ACTR1A: variants seen among roughly 807,000 people sequenced by gnomAD.
The protein encoded by ACTR1A is alpha-centractin.
ACTR1A carries 10 observed loss-of-function variants against 50.7 expected under a neutral mutation model. The observed-to-expected ratio is 0.20, with a 90% CI of 0.12 to 0.33. ACTR1A has a LOEUF of 0.33. ACTR1A is among the 10% of genes least tolerant of loss of function. ACTR1A has a pLI of 1.00. For synonymous variants in ACTR1A, 177 were observed against 184.2 expected, an observed-to-expected ratio of 0.96 and a Z score of 0.32; for missense variants, 253 against 491.7, an observed-to-expected ratio of 0.51 and a Z score of 4.59.
rs967511923 is a variant in ACTR1A at position 102,488,040 on chromosome 10, T to G, written c.315+110A>C. Reference sequence around the variant, plus strand: ...AATCTGAATATGCCTGAAAATCAAATGGCTCCAGCACTCTTGGCAGTGATC... The same window carrying G: ...AATCTGAATATGCCTGAAAATCAAAGGGCTCCAGCACTCTTGGCAGTGATC... On this transcript the variant is annotated intron_variant, in intron 4 of 10. Transcript: ENST00000369905. The surrounding 1 kb of genome is among the most constrained non-coding windows in gnomAD (Gnocchi z 4.4). The G allele has an allele frequency of 6.9e-6, 9 of 1,295,178 alleles. No individual in the cohort carries two copies. Among genetic ancestry groups the G allele is most frequent in the Admixed American group, 2.0e-5 (1 of 50,956 alleles). 80.2% of individuals were successfully genotyped at this position (1,295,178 alleles called of 1,614,324 possible).
intron 1 of ACTR1A, among the ~76,000 whole-genome samples, chr10:102,497,351 G>A (rs1411039770): frequency 6.6e-6 from 1 of 152,136 alleles, no homozygotes; most frequent in Non-Finnish European, 1.5e-5. Flanking sequence ...ACAGTAGGAT[G>A]ATAGCACTTA....
At chr10:102,486,452 G>A (rs1168225984) in intron 4 of ACTR1A, among the ~76,000 whole-genome samples, 1 of 152,162 alleles carries the variant, frequency 6.6e-6, no homozygotes, top group Non-Finnish European at 1.5e-5. Flanking sequence ...CACCTTGGGA[G>A]GCTGAGGCGT....
intron 1 of ACTR1A, among the ~76,000 whole-genome samples, chr10:102,501,332 A>G (rs958262500): frequency 2.0e-5 from 3 of 152,222 alleles, no homozygotes; most frequent in African/African-American, 7.2e-5. Flanking sequence ...CTATCTACCT[A>G]ACAGAGCTGA....
intron 2 of ACTR1A, 22 bp from the exon 3 acceptor site, chr10:102,489,160 A>T: frequency 1.3e-6 from 2 of 1,526,020 alleles, no homozygotes; most frequent in Non-Finnish European, 1.8e-6. Context: ...AGTGAGGAGG[A>T]CCATCATTTT....
At chr10:102,494,422 C>T (rs182126807) in intron 1 of ACTR1A, among the ~76,000 whole-genome samples, 14 of 152,234 alleles carry the variant, frequency 9.2e-5, no homozygotes, top group African/African-American at 1.4e-4. Flanking sequence ...TGCCTGAGCC[C>T]GGGAGGTCGA....
chr10:102,482,047 C>T lies in ACTR1A; in HGVS notation c.879G>A (p.Thr293=), dbSNP rs183000589. The T allele has an allele frequency of 1.5e-5, 24 of 1,614,166 alleles. No individual in the cohort carries two copies. Among genetic ancestry groups the T allele is most frequent in the East Asian group, 4.5e-5 (2 of 44,878 alleles). Residue 293 remains threonine (T), a synonymous_variant, in exon 8 of 11, where the codon ACG becomes ACA. Transcript: ENST00000369905. This position sits in a 1 kb window ranked among gnomAD's most constrained non-coding sequence, Gnocchi z 5.6. ...IQKSDMDLRR[T]LFSNIVLSGG... ...CTGAGAGGACAATGTTAGAGAAAAG[C>T]GTGCGCCGCAGGTCCATGTCTGACT... is the stretch of plus-strand genomic sequence containing the variant.
Position 102,482,953 on chromosome 10 carries a change from T to G in ACTR1A, c.750+58A>C. The G allele has an allele frequency of 7.2e-7, 1 of 1,394,126 alleles. No individual in the cohort carries two copies. The highest frequency in any genetic ancestry group is 1.0e-6 in the Non-Finnish European group (1 of 981,090). 86.4% of individuals were successfully genotyped at this position (1,394,126 alleles called of 1,614,324 possible). A position where few individuals can be genotyped will look rare whatever the true frequency, so the allele number is the denominator to read the frequency against. Reference sequence around the variant, plus strand: ...TCCAGACCCTGATGGAGAATTCTGGTTGGGCCCAGAGCTTTTGTGGACCTA... The same window carrying G: ...TCCAGACCCTGATGGAGAATTCTGGGTGGGCCCAGAGCTTTTGTGGACCTA... On this transcript the variant is annotated intron_variant, in intron 7 of 10. Transcript: ENST00000369905. The surrounding 1 kb of genome is among the most constrained non-coding windows in gnomAD (Gnocchi z 5.6).
intron 2 of ACTR1A, among the ~76,000 whole-genome samples, chr10:102,489,771 G>A (rs570018990): frequency 1.3e-5 from 2 of 152,248 alleles, no homozygotes; most frequent in East Asian, 1.9e-4. Flanking sequence ...CCGAGATTGC[G>A]CCACTGCACT....
chr10:102,491,192 C>G (rs1473278129), intron 1 of ACTR1A, among the ~76,000 whole-genome samples: 2 of 151,992 alleles, frequency 1.3e-5, no homozygotes, highest in Non-Finnish European at 2.9e-5. Flanking sequence ...ATTAAAAATA[C>G]TAGTAATAAA....
chr10:102,490,651 T>C, intron 1 of ACTR1A, 38 bp from the exon 2 acceptor site: 3 of 1,514,056 alleles, frequency 2.0e-6, no homozygotes, highest in Non-Finnish European at 2.7e-6. Context: ...GTCAGAACTA[T>C]CACAAATACA....
intron 1 of ACTR1A, among the ~76,000 whole-genome samples, chr10:102,501,052 C>T (rs2062248522): frequency 6.8e-6 from 1 of 147,050 alleles, no homozygotes. Context: ...GACTCAGCAA[C>T]AGAGCGAGAC....
chr10:102,501,323 T>C (rs2062250342), intron 1 of ACTR1A, among the ~76,000 whole-genome samples: 1 of 152,244 alleles, frequency 6.6e-6, no homozygotes, highest in Non-Finnish European at 1.5e-5. Flanking sequence ...TAGTAATTCC[T>C]ATCTACCTAA....
chr10:102,487,484 G>A (rs2135582818), intron 4 of ACTR1A, among the ~76,000 whole-genome samples: 1 of 152,198 alleles, frequency 6.6e-6, no homozygotes, highest in South Asian at 2.1e-4. Context: ...CTTGAGCCCA[G>A]GAGGTCGAGG....
chr10:102,480,893 A>G lies in ACTR1A; in HGVS notation c.1101T>C (p.Gly367=). ...WVSKKEYEED[G]ARSIHRKTF is the part of the protein sequence containing the mutation. ...AGGTTTTTCTGTGGATGGATCGGGC[A>G]CCGTCTTCCTCATATTCCTTTTTGG... Residue 367 remains glycine (G), a synonymous_variant, in exon 11 of 11, where the codon GGT becomes GGC. Transcript: ENST00000369905. The G allele has an allele frequency of 1.9e-6, 3 of 1,614,084 alleles. No homozygotes were observed. The highest frequency in any genetic ancestry group is 2.5e-6 in the Non-Finnish European group (3 of 1,179,950).
At chr10:102,481,329 T>C (rs981725755) in intron 9 of ACTR1A, among the ~76,000 whole-genome samples, 157 bp from the exon 10 acceptor site, 1 of 152,172 alleles carries the variant, frequency 6.6e-6, no homozygotes, top group Non-Finnish European at 1.5e-5. Flanking sequence ...GCCACTCATC[T>C]GGGGAAGCAG....
intron 6 of ACTR1A, 53 bp from the exon 7 acceptor site, chr10:102,483,156 G>A: frequency 1.5e-6 from 2 of 1,345,218 alleles, no homozygotes; most frequent in Non-Finnish European, 2.1e-6. Context: ...TGCACATCCA[G>A]TCAAAGGCCC....
At position 102,489,059 on chromosome 10, in the gene ACTR1A, T is replaced by G. The variant is rs1436004243; in HGVS notation, c.189+4A>C. On this transcript the variant is annotated splice_donor_region_variant and intron_variant, in intron 3 of 10. Transcript: ENST00000369905. Reference sequence around the variant, plus strand: ...AAGGCTTGTTCTGTAGGCCTGGGAATTACCTCAGCTTTGGGGCCAATGAAG... The same window carrying G: ...AAGGCTTGTTCTGTAGGCCTGGGAAGTACCTCAGCTTTGGGGCCAATGAAG... The G allele has an allele frequency of 1.3e-6, 2 of 1,559,668 alleles. No individual in the cohort carries two copies. The highest frequency in any genetic ancestry group is 1.7e-6 in the Non-Finnish European group (2 of 1,152,010).
At position 102,482,935 on chromosome 10, in the gene ACTR1A, C is replaced by A. The variant is rs961179004; in HGVS notation, c.750+76G>T. ...GGGACTGGCCTGCCAGACTCCAGAC[C>A]CTGATGGAGAATTCTGGTTGGGCCC... On this transcript the variant is annotated intron_variant, in intron 7 of 10. Transcript: ENST00000369905. The surrounding 1 kb of genome is among the most constrained non-coding windows in gnomAD (Gnocchi z 5.6). The A allele has an allele frequency of 3.2e-5, 40 of 1,242,396 alleles. No homozygotes were observed. The highest frequency in any genetic ancestry group is 2.2e-4 in the Middle Eastern group (1 of 4,646). The allele number at this position is 1,242,396 out of a possible 1,614,324, so 77.0% of individuals were successfully genotyped here. A position where few individuals can be genotyped will look rare whatever the true frequency, so the allele number is the denominator to read the frequency against.
chr10:102,496,711 C>T (rs1042217805), intron 1 of ACTR1A, among the ~76,000 whole-genome samples: 3 of 152,056 alleles, frequency 2.0e-5, no homozygotes, highest in Admixed American at 2.0e-4. Context: ...TCTAGTGTCC[C>T]TAAAAACTTA....
Sources: allele counts gnomAD v4.1 joint callset (sites outside exome capture counted in the v4.1 genomes callset), GRCh38; gene constraint gnomAD v4.1.1; non-coding constraint Gnocchi (gnomAD v3.1); transcripts MANE v1.5; gene names NCBI Gene and HGNC (gene_info 2026-07-23, HGNC 2026-07-21).